EXOC6: variants seen among roughly 807,000 people sequenced by gnomAD.
EXOC6 encodes the protein exocyst complex component 6.
In EXOC6, 60 loss-of-function variants were observed where a neutral mutation model predicts 112.5. That is an observed-to-expected ratio of 0.53 (90% CI 0.43 to 0.66). EXOC6 has a LOEUF of 0.66. EXOC6 is among the 30% of genes least tolerant of loss of function. The pLI is 0.00. For synonymous variants in EXOC6, 295 were observed against 308.0 expected, an observed-to-expected ratio of 0.96 and a Z score of 0.44; for missense variants, 855 against 957.1, an observed-to-expected ratio of 0.89 and a Z score of 1.41.
chr10:92,837,102 AC>A (rs1846683399), intron 1 of EXOC6, among the ~76,000 whole-genome samples: 1 of 147,986 alleles, frequency 6.8e-6, no homozygotes, highest in Non-Finnish European at 1.5e-5. Flanking sequence ...AACATAACAC[AC>A]ACACACACAC....
At chr10:92,829,662 G>A (rs551159375) in intron 1 of EXOC6, among the ~76,000 whole-genome samples, 3 of 152,268 alleles carry the variant, frequency 2.0e-5, no homozygotes, top group Admixed American at 1.3e-4. Flanking sequence ...CTTGAATAAG[G>A]GCTGGGTAAA....
chr10:93,014,843 A>G (rs1203421723), intron 20 of EXOC6, among the ~76,000 whole-genome samples: 1 of 151,570 alleles, frequency 6.6e-6, no homozygotes, highest in Admixed American at 6.6e-5. Context: ...AACTCTATTC[A>G]TTTTGCTACT....
upstream of EXOC6, chr10:92,831,355 A>G (rs763655489): frequency 3.3e-5 from 43 of 1,287,974 alleles, no homozygotes; most frequent in South Asian, 5.2e-4. Context: ...TCATGCAGTG[A>G]CAGTAAGTCA....
chr10:92,888,006 A>G (rs1375793864), intron 1 of EXOC6, among the ~76,000 whole-genome samples: 1 of 152,170 alleles, frequency 6.6e-6, no homozygotes, highest in East Asian at 1.9e-4. Context: ...CATGTCTGGA[A>G]TAGCAAATGG....
chr10:92,870,701 T>C (rs1848404633), intron 1 of EXOC6, among the ~76,000 whole-genome samples: 1 of 151,776 alleles, frequency 6.6e-6, no homozygotes, highest in Non-Finnish European at 1.5e-5. Context: ...ATATAATTAG[T>C]GTAGGTGTTA....
intron 20 of EXOC6, among the ~76,000 whole-genome samples, chr10:93,033,965 A>T (rs192198088): frequency 1.6e-4 from 24 of 152,360 alleles, no homozygotes; most frequent in African/African-American, 5.8e-4. Context: ...GTTGACAAGA[A>T]CACTATTGTG....
chr10:92,909,366 T>C (rs1850613864), intron 5 of EXOC6, 61 bp from the exon 6 acceptor site: 2 of 1,219,778 alleles, frequency 1.6e-6, no homozygotes, highest in Non-Finnish European at 2.3e-6. Context: ...TATTTAGATT[T>C]ACTTGTAAAA....
chr10:92,955,135 C>G (rs922610956), intron 16 of EXOC6, among the ~76,000 whole-genome samples: 3 of 152,010 alleles, frequency 2.0e-5, no homozygotes, highest in African/African-American at 7.3e-5. Context: ...AATCATACCA[C>G]TGCACTACAC....
chr10:92,910,938 A>AATG (rs1313167179), intron 6 of EXOC6, among the ~76,000 whole-genome samples: 3 of 47,408 alleles, frequency 6.3e-5, no homozygotes, highest in African/African-American at 2.7e-4. Flanking sequence ...CAATAATAAT[A>AATG]ATAATTTGGG....
chr10:93,009,861 T>C (rs1022487410), intron 19 of EXOC6, among the ~76,000 whole-genome samples: 1 of 152,324 alleles, frequency 6.6e-6, no homozygotes, highest in Non-Finnish European at 1.5e-5. Flanking sequence ...CTTGTTTTAT[T>C]TGAAGATGAT....
chr10:93,047,128 T>C (rs769496068), intron 20 of EXOC6, among the ~76,000 whole-genome samples: 4 of 152,196 alleles, frequency 2.6e-5, no homozygotes, highest in Middle Eastern at 3.4e-3. Context: ...AGTGTGGAGG[T>C]TGGCTAATCT....
intron 18 of EXOC6, among the ~76,000 whole-genome samples, chr10:92,990,019 C>T (rs1843165520): frequency 6.6e-6 from 1 of 151,854 alleles, no homozygotes; most frequent in East Asian, 1.9e-4. Context: ...ATGAACAAAC[C>T]ATTGACAATA....
chr10:93,050,873 AAAC>A (rs1272669842), intron 20 of EXOC6, among the ~76,000 whole-genome samples: 3 of 152,006 alleles, frequency 2.0e-5, no homozygotes, highest in Admixed American at 6.6e-5. Flanking sequence ...CTCTGTCTCA[AAAC>A]AACAACAACA....
chr10:92,878,749 A>G (rs1161255454), intron 1 of EXOC6, among the ~76,000 whole-genome samples: 2 of 152,176 alleles, frequency 1.3e-5, no homozygotes, highest in Non-Finnish European at 2.9e-5. Flanking sequence ...GCCCATGCCT[A>G]TCTACCTGTA....
intron 7 of EXOC6, 49 bp from the exon 8 acceptor site, chr10:92,919,933 G>A: frequency 8.9e-7 from 1 of 1,118,082 alleles, no homozygotes; most frequent in African/African-American, 1.6e-5. Context: ...ATCTAATGGT[G>A]GTCTAATAGT....
intron 17 of EXOC6, among the ~76,000 whole-genome samples, chr10:92,963,054 T>C (rs977119621): frequency 3.3e-5 from 5 of 152,180 alleles, no homozygotes; most frequent in Non-Finnish European, 5.9e-5. Flanking sequence ...AAGGAAGAAT[T>C]GGTATAAACC....
At chr10:92,874,447 G>A (rs1330997941) in intron 1 of EXOC6, among the ~76,000 whole-genome samples, 1 of 152,126 alleles carries the variant, frequency 6.6e-6, no homozygotes, top group Non-Finnish European at 1.5e-5. Flanking sequence ...TAGATTGAGA[G>A]CTAAGATGAT....
intron 1 of EXOC6, among the ~76,000 whole-genome samples, chr10:92,852,207 TAAAG>T (rs955838555): frequency 3.9e-5 from 6 of 152,176 alleles, no homozygotes; most frequent in Admixed American, 3.3e-4. Context: ...CTGTATCAAT[TAAAG>T]AAAGGGAATT....
chr10:92,858,915 C>A (rs749562042), intron 1 of EXOC6, among the ~76,000 whole-genome samples: 3 of 152,180 alleles, frequency 2.0e-5, no homozygotes, highest in Non-Finnish European at 4.4e-5. Flanking sequence ...CAGGCGCACA[C>A]CGCCACACCC....
Sources: allele counts gnomAD v4.1 joint callset (sites outside exome capture counted in the v4.1 genomes callset), GRCh38; gene constraint gnomAD v4.1.1; transcripts MANE v1.5; gene names NCBI Gene and HGNC (gene_info 2026-07-23, HGNC 2026-07-21).